The following MAPRE2 variants were observed in gnomAD, a reference collection of about 807,000 sequenced individuals.
MAPRE2 encodes microtubule-associated protein RP/EB family member 2.
MAPRE2 carries 13 observed loss-of-function variants against 43.2 expected under a neutral mutation model. The observed-to-expected ratio is 0.30, with a 90% CI of 0.20 to 0.48. The LOEUF is 0.48. Among genes scored for constraint, MAPRE2 ranks in the 20% least tolerant of loss-of-function variants. The pLI is 0.99. For missense variants in MAPRE2, 161 were observed against 400.2 expected (o/e 0.40, Z 5.10); for synonymous variants, 135 against 148.8 (o/e 0.91, Z 0.68).
intron 2 of MAPRE2, among the ~76,000 whole-genome samples, chr18:35,093,648 G>A (rs143825311): frequency 6.6e-5 from 10 of 152,276 alleles, no homozygotes; most frequent in African/African-American, 2.2e-4. Flanking sequence ...CGTTATGTTC[G>A]GTGAAATAAG....
chr18:35,092,329 C>T (rs1251624093), intron 2 of MAPRE2, among the ~76,000 whole-genome samples: 1 of 152,204 alleles, frequency 6.6e-6, no homozygotes, highest in Non-Finnish European at 1.5e-5. Context: ...TTGTAGCCAA[C>T]TGATTTTTGA....
At chr18:35,112,774 ATTTCCCTACATT>A (rs886275236) in intron 4 of MAPRE2, among the ~76,000 whole-genome samples, 1 of 152,198 alleles carries the variant, frequency 6.6e-6, no homozygotes. Context: ...CTGAAACTGC[ATTTCCCTACATT>A]TTAGTCTGTT....
At chr18:35,042,822 G>A (rs1905434078) in intron 1 of MAPRE2, among the ~76,000 whole-genome samples, 1 of 152,020 alleles carries the variant, frequency 6.6e-6, no homozygotes, top group Non-Finnish European at 1.5e-5. Flanking sequence ...ATGGTATTAT[G>A]GGTAGAATAT....
At chr18:35,032,218 G>A (rs2097048155) in intron 2 of MAPRE2, among the ~76,000 whole-genome samples, 1 of 152,176 alleles carries the variant, frequency 6.6e-6, no homozygotes, top group Admixed American at 6.5e-5. Context: ...CTGCTAAGTG[G>A]AATCTTCTGT....
chr18:35,081,698 G>A (rs1907639059), intron 2 of MAPRE2, among the ~76,000 whole-genome samples: 1 of 152,126 alleles, frequency 6.6e-6, no homozygotes, highest in South Asian at 2.1e-4. Flanking sequence ...AAGAATCCTG[G>A]AGCTTCTAGT....
chr18:35,029,567 T>C (rs2097046813), intron 2 of MAPRE2, among the ~76,000 whole-genome samples: 1 of 152,190 alleles, frequency 6.6e-6, no homozygotes, highest in African/African-American at 2.4e-5. Flanking sequence ...TTGCACTCTT[T>C]AATATCAAAG....
upstream of MAPRE2, among the ~76,000 whole-genome samples, chr18:35,041,102 C>T (rs1028877784): frequency 1.3e-5 from 2 of 152,204 alleles, no homozygotes; most frequent in African/African-American, 2.4e-5. Context: ...TTTGTGTACA[C>T]AGCTGCAGTG....
chr18:35,087,627 A>C (rs1907937932), intron 2 of MAPRE2, among the ~76,000 whole-genome samples: 1 of 152,194 alleles, frequency 6.6e-6, no homozygotes, highest in African/African-American at 2.4e-5. Flanking sequence ...TTCAACTGCT[A>C]TGCAGATCTT....
intron 1 of MAPRE2, among the ~76,000 whole-genome samples, chr18:34,984,944 TAA>T (rs372647151): frequency 6.3e-5 from 1 of 15,916 alleles, no homozygotes; most frequent in African/African-American, 1.5e-4. Flanking sequence ...ATATAATATA[TAA>T]AATATATTAT....
Position 35,140,437 on chromosome 18 carries a change from T to C in MAPRE2, c.*68T>C. On this transcript the variant is annotated 3_prime_UTR_variant, in exon 7 of 7. Coordinates refer to ENST00000300249, the MANE Select transcript of MAPRE2 (RefSeq NM_014268.4). Reference sequence around the variant, plus strand: ...GTTTCTTCTGGAGAATTGGAACATGTGTGGCCCCAAGCTCAACAGAAACCA... The same window carrying C: ...GTTTCTTCTGGAGAATTGGAACATGCGTGGCCCCAAGCTCAACAGAAACCA... The C allele has an allele frequency of 6.9e-7, 1 of 1,440,474 alleles. No homozygotes were observed. Among genetic ancestry groups the C allele is most frequent in the Middle Eastern group, 1.7e-4 (1 of 5,750 alleles). The allele number at this position is 1,440,474 out of a possible 1,614,324, so 89.2% of individuals were successfully genotyped here.
intron 1 of MAPRE2, among the ~76,000 whole-genome samples, chr18:35,054,151 T>C (rs868207761): frequency 2.6e-5 from 4 of 152,248 alleles, no homozygotes; most frequent in African/African-American, 4.8e-5. Context: ...TCCTGACTTC[T>C]CTAACTCCCT....
Position 35,070,335 on chromosome 18 carries a change from C to T in MAPRE2, c.250+13C>T. 6.3e-7 allele frequency: 1 copy of T among 1,577,212 alleles called. No individual in the cohort carries two copies. Among genetic ancestry groups the T allele is most frequent in the Non-Finnish European group, 8.6e-7 (1 of 1,164,392 alleles). The stretch of plus-strand genomic sequence containing the variant: ...CAGCTTTGTTCAGGTAAGACATATT[C>T]TTTTAAGTGTTTACCTAAATATTTA... On this transcript the variant is annotated intron_variant, in intron 2 of 6. Transcript: ENST00000300249.
At chr18:35,124,752 C>A (rs998218238) in intron 4 of MAPRE2, among the ~76,000 whole-genome samples, 3 of 152,154 alleles carry the variant, frequency 2.0e-5, no homozygotes, top group African/African-American at 7.2e-5. Context: ...AGCTGTCTCC[C>A]CAGCTGTTAG....
intron 2 of MAPRE2, among the ~76,000 whole-genome samples, chr18:35,028,762 A>G (rs796988086): frequency 8.5e-5 from 13 of 152,336 alleles, no homozygotes; most frequent in African/African-American, 3.1e-4. Context: ...ATTATTTCTC[A>G]TTCATGATTT....
At chr18:35,071,957 T>C (rs576910978) in intron 2 of MAPRE2, among the ~76,000 whole-genome samples, 1 of 152,336 alleles carries the variant, frequency 6.6e-6, no homozygotes, top group South Asian at 2.1e-4. Flanking sequence ...AACCACTCCT[T>C]TGCCCTTCAA....
intron 1 of MAPRE2, among the ~76,000 whole-genome samples, chr18:35,062,165 G>A (rs1906566692): frequency 6.6e-6 from 1 of 152,162 alleles, no homozygotes; most frequent in African/African-American, 2.4e-5. Context: ...CGTTTGGGGG[G>A]ATGTCTGTGA....
At chr18:35,004,814 A>C (rs969530208) in intron 1 of MAPRE2, among the ~76,000 whole-genome samples, 3 of 151,492 alleles carry the variant, frequency 2.0e-5, no homozygotes, top group Admixed American at 2.0e-4. Context: ...GCTACTCGGG[A>C]GGCTGAGGAA....
chr18:35,126,865 C>A, intron 4 of MAPRE2, 83 bp from the exon 5 acceptor site: 1 of 1,234,798 alleles, frequency 8.1e-7, no homozygotes, highest in African/African-American at 1.5e-5. Context: ...GTTGTAAGCT[C>A]TTTTCATATC....
At chr18:34,997,729 T>G (rs893570157) in intron 1 of MAPRE2, among the ~76,000 whole-genome samples, 9 of 152,142 alleles carry the variant, frequency 5.9e-5, no homozygotes, top group Non-Finnish European at 1.0e-4. Context: ...GGCAGGAGAA[T>G]CTCTTGAACC....
Sources: gnomAD v4.1 joint callset for allele counts (sites outside exome capture counted in the v4.1 genomes callset) on GRCh38, gnomAD v4.1.1 for gene constraint, MANE v1.5 for transcripts, NCBI Gene and HGNC (gene_info 2026-07-23, HGNC 2026-07-21) for gene names.